Variants in OLFM3 observed in about 807,000 individuals in gnomAD.
OLFM3 encodes the protein olfactomedin 3, also known as noelin-3.
OLFM3 carries 20 observed loss-of-function variants against 48.6 expected under a neutral mutation model. The observed-to-expected ratio is 0.41, with a 90% CI of 0.29 to 0.60. The LOEUF (loss-of-function observed/expected upper bound fraction) is 0.60, where lower values mean the gene tolerates loss of function less well. Ranked by LOEUF, OLFM3 falls within the 20% of genes least tolerant of loss-of-function variation. The pLI, the probability that OLFM3 is intolerant of heterozygous loss-of-function variation, is 0.28. For synonymous variants in OLFM3, 222 were observed against 198.1 expected, an observed-to-expected ratio of 1.12 and a Z score of -1.01; for missense variants, 437 against 544.3, an observed-to-expected ratio of 0.80 and a Z score of 1.96.
intron 1 of OLFM3, among the ~76,000 whole-genome samples, chr1:101,870,737 T>C (rs1012808871): frequency 2.0e-5 from 3 of 151,860 alleles, no homozygotes; most frequent in Admixed American, 1.3e-4. Flanking sequence ...TGGCTTCCTG[T>C]GGGGGTGTAG....
chr1:101,922,083 A>C (rs1659113629), intron 1 of OLFM3, among the ~76,000 whole-genome samples: 1 of 152,052 alleles, frequency 6.6e-6, no homozygotes, highest in African/African-American at 2.4e-5. Flanking sequence ...ACCTGCCTAA[A>C]ATTGTACCAC....
At chr1:101,949,171 A>G (rs1324816800) in intron 1 of OLFM3, among the ~76,000 whole-genome samples, 1 of 152,056 alleles carries the variant, frequency 6.6e-6, no homozygotes, top group Non-Finnish European at 1.5e-5. Context: ...CTTCTCAAAT[A>G]CTTTTTTTGC....
intron 1 of OLFM3, among the ~76,000 whole-genome samples, chr1:101,990,989 TAA>T (rs58481588): frequency 3.8e-3 from 34 of 8,894 alleles, no homozygotes; most frequent in African/African-American, 6.9e-3. Context: ...TGTCAAAAAG[TAA>T]AAAAAAAAAA....
chr1:101,832,683 A>C (rs1655219326), intron 2 of OLFM3, among the ~76,000 whole-genome samples: 1 of 152,210 alleles, frequency 6.6e-6, no homozygotes. Flanking sequence ...TGTTCAGTGA[A>C]TATTTATTGA....
At chr1:101,876,634 C>T (rs1468044605) in intron 1 of OLFM3, among the ~76,000 whole-genome samples, 1 of 151,854 alleles carries the variant, frequency 6.6e-6, no homozygotes, top group African/African-American at 2.4e-5. Flanking sequence ...AAGTAGTATG[C>T]AAATAAGAGA....
chr1:101,996,843 A>C lies in OLFM3; in HGVS notation c.-27T>G. 1 of 1,612,658 alleles carries C rather than the reference A, an allele frequency of 6.2e-7. No homozygotes were observed. Among genetic ancestry groups the C allele is most frequent in the African/African-American group, 1.3e-5 (1 of 74,880 alleles). ...CTGATCTGGGTTTTTGCCCCTCTTTACTCTCTTTTATGTAGGCTCTCCACT... is the reference window on the plus strand; with the variant it reads ...CTGATCTGGGTTTTTGCCCCTCTTTCCTCTCTTTTATGTAGGCTCTCCACT... On this transcript the variant is annotated 5_prime_UTR_variant, in exon 1 of 6. Transcript: ENST00000370103.
At position 101,802,684 on chromosome 1, in the gene OLFM3, C is replaced by T. The variant is rs1236220390; in HGVS notation, c.*1554G>A. On this transcript the variant is annotated 3_prime_UTR_variant, in exon 6 of 6. Coordinates refer to ENST00000370103, the MANE Select transcript of OLFM3 (RefSeq NM_058170.4). Reference sequence around the variant, plus strand: ...ACACTTAAATGTTAGGATTTCTTTACATGATGCTTTATCTAAATCATTACA... The same window carrying T: ...ACACTTAAATGTTAGGATTTCTTTATATGATGCTTTATCTAAATCATTACA... 2 of 151,612 alleles carry T rather than the reference C, an allele frequency of 1.3e-5. No homozygotes were observed. The highest frequency in any genetic ancestry group is 3.0e-5 in the Non-Finnish European group (2 of 67,720). The allele number at this position is 151,612 out of a possible 1,614,324, so 9.4% of individuals were successfully genotyped here.
intron 1 of OLFM3, among the ~76,000 whole-genome samples, chr1:101,913,162 C>T (rs1263091340): frequency 6.6e-6 from 1 of 152,154 alleles, no homozygotes; most frequent in East Asian, 1.9e-4. Context: ...AATAATTATA[C>T]ATCTGACTTA....
chr1:101,927,333 T>C (rs1268603085), intron 1 of OLFM3, among the ~76,000 whole-genome samples: 2 of 152,102 alleles, frequency 1.3e-5, no homozygotes, highest in African/African-American at 4.8e-5. Context: ...AGAATATAGA[T>C]TTTTTATCAT....
At chr1:101,891,300 G>A (rs1358396968) in intron 1 of OLFM3, among the ~76,000 whole-genome samples, 4 of 151,898 alleles carry the variant, frequency 2.6e-5, no homozygotes, top group African/African-American at 9.7e-5. Flanking sequence ...TAAATATTTT[G>A]CAGAGATTCA....
chr1:101,990,648 T>C (rs72731681), intron 1 of OLFM3, among the ~76,000 whole-genome samples: 3,572 of 152,190 alleles, frequency 0.023, 51 homozygotes, highest in South Asian at 0.07. Flanking sequence ...AATTTAAAAG[T>C]GTATTTAAAA....
chr1:101,930,960 C>G (rs1256433416), intron 1 of OLFM3, among the ~76,000 whole-genome samples: 1 of 152,274 alleles, frequency 6.6e-6, no homozygotes, highest in East Asian at 1.9e-4. Flanking sequence ...CTCAATATCT[C>G]AGAGCATTTT....
At position 101,985,192 on chromosome 1, in the gene OLFM3, TC is replaced by T. The variant is rs139082579; in HGVS notation, c.69+11555del. Among the ~76,000 whole-genome samples, 1,236 of 152,342 alleles carry T rather than the reference TC, an allele frequency of 8.1e-3. 12 individuals are homozygous for T. The highest frequency in any genetic ancestry group is 0.041 in the Middle Eastern group (12 of 294). On this transcript the variant is annotated intron_variant, in intron 1 of 5. Coordinates refer to ENST00000370103, the MANE Select transcript of OLFM3 (RefSeq NM_058170.4). The stretch of plus-strand genomic sequence containing the variant: ...TCTGATTCTGGGCCTCCAGCCTTCC[TC>T]TTAAAAGGACCATTTTGATTATACT...
At chr1:101,921,455 A>C (rs1286354148) in intron 1 of OLFM3, among the ~76,000 whole-genome samples, 1 of 152,134 alleles carries the variant, frequency 6.6e-6, no homozygotes, top group African/African-American at 2.4e-5. Context: ...CTAGAAAGAG[A>C]GGAACTTCAG....
chr1:101,842,514 T>TA (rs2100934588), intron 1 of OLFM3, among the ~76,000 whole-genome samples: 1 of 152,288 alleles, frequency 6.6e-6, no homozygotes, highest in East Asian at 1.9e-4. Context: ...GCCATGGCAC[T>TA]ACAGCCTAGG....
chr1:101,914,591 C>A (rs1422125833), intron 1 of OLFM3, among the ~76,000 whole-genome samples: 1 of 152,098 alleles, frequency 6.6e-6, no homozygotes, highest in African/African-American at 2.4e-5. Flanking sequence ...TTGCTGTGAC[C>A]TGTGCCAACA....
intron 1 of OLFM3, among the ~76,000 whole-genome samples, chr1:101,940,385 C>G (rs1319512150): frequency 6.9e-6 from 1 of 144,792 alleles, no homozygotes; most frequent in African/African-American, 2.5e-5. Flanking sequence ...CTTCTCACAT[C>G]CCTCTCTTTT....
At chr1:101,938,941 G>A (rs1659705674) in intron 1 of OLFM3, among the ~76,000 whole-genome samples, 1 of 152,158 alleles carries the variant, frequency 6.6e-6, no homozygotes, top group Admixed American at 6.5e-5. Flanking sequence ...TCCTTGTTGA[G>A]AGACTGGGAC....
At chr1:101,921,387 G>T (rs1400378421) in intron 1 of OLFM3, among the ~76,000 whole-genome samples, 2 of 152,138 alleles carry the variant, frequency 1.3e-5, no homozygotes, top group Non-Finnish European at 2.9e-5. Flanking sequence ...AACATATTTT[G>T]AAAAACAGAG....
Sources: gnomAD v4.1 joint callset for allele counts (sites outside exome capture counted in the v4.1 genomes callset) on GRCh38, gnomAD v4.1.1 for gene constraint, MANE v1.5 for transcripts, NCBI Gene and HGNC (gene_info 2026-07-23, HGNC 2026-07-21) for gene names.